MAK: variants seen among roughly 807,000 people sequenced by gnomAD.
The protein encoded by MAK is serine/threonine-protein kinase MAK.
In MAK, 65 loss-of-function variants were observed where a neutral mutation model predicts 82.6. The ratio of observed to expected loss-of-function variants is 0.79; its 90% confidence interval spans 0.64 to 0.97. The LOEUF (loss-of-function observed/expected upper bound fraction) is 0.97. MAK is among the 50% of genes least tolerant of loss of function. The pLI, the probability that MAK is intolerant of heterozygous loss-of-function variation, is 0.00. For missense variants in MAK, 703 were observed against 780.2 expected, an observed-to-expected ratio of 0.90 and a Z score of 1.18; for synonymous variants, 250 against 274.2, an observed-to-expected ratio of 0.91 and a Z score of 0.87.
chr6:10,799,108 C>T (rs1014497621), intron 8 of MAK, among the ~76,000 whole-genome samples: 16 of 151,948 alleles, frequency 1.1e-4, no homozygotes, highest in Admixed American at 4.6e-4. Flanking sequence ...TACAGGTGTG[C>T]GGCACTGCAG....
rs111420579 is a variant in MAK at position 10,813,323 on chromosome 6, A to AT, written c.358+320dup. Among the ~76,000 whole-genome samples the AT allele has an allele frequency of 1.6e-3, 222 of 136,178 alleles. 2 individuals carry two copies. The highest frequency in any genetic ancestry group is 4.6e-3 in the South Asian group (19 of 4,134). 89.3% of individuals were successfully genotyped at this position (136,178 alleles called of 152,430 possible). A position where few individuals can be genotyped will look rare whatever the true frequency, so the allele number is the denominator to read the frequency against. On this transcript the variant is annotated intron_variant, in intron 5 of 14. Transcript: ENST00000354489. ...GCCACCACGCCCAGCTAATTTTTGT[A>AT]TTTTTTTTTAACAGAGACAGGGTTT...
chr6:10,814,867 A>G (rs1042220790), intron 4 of MAK, among the ~76,000 whole-genome samples: 1 of 151,922 alleles, frequency 6.6e-6, no homozygotes, highest in African/African-American at 2.4e-5. Flanking sequence ...GTGAAACCTC[A>G]TCTCTACTAC....
At chr6:10,817,763 A>C in intron 4 of MAK, 87 bp downstream of exon 4, 1 of 1,113,896 alleles carries the variant, frequency 9.0e-7, no homozygotes, top group Non-Finnish European at 1.3e-6. Context: ...GGAGCAATCA[A>C]TCTTTCTCTC....
chr6:10,825,089 T>TAA (rs1466218323), intron 2 of MAK, among the ~76,000 whole-genome samples: 2 of 152,320 alleles, frequency 1.3e-5, no homozygotes, highest in East Asian at 3.9e-4. Flanking sequence ...CACTAGCTGA[T>TAA]AAAAGATGAG....
chr6:10,822,158 A>C (rs928631468), intron 2 of MAK, among the ~76,000 whole-genome samples: 1 of 150,406 alleles, frequency 6.6e-6, no homozygotes, highest in Non-Finnish European at 1.5e-5. Context: ...AAAAAAAAAA[A>C]AAAAAAAAAA....
rs9467665 is a variant in MAK, at chr6:10,830,410, C to T, written c.101+138G>A. 6.7e-3 allele frequency: 4,690 copies of T among 700,876 alleles called. 127 individuals carry two copies. The African/African-American group carries it at 0.07, about 10-fold the overall frequency. The allele number at this position is 700,876 out of a possible 1,614,324, so 43.4% of individuals were successfully genotyped here. On this transcript the variant is annotated intron_variant, in intron 2 of 14. Transcript: ENST00000354489. ...CAAACTCCTAACCTCATGATCCGCC[C>T]GCCTCGGCCTCCCAAAGTGCTGGGA... is the stretch of plus-strand genomic sequence containing the variant.
intron 9 of MAK, among the ~76,000 whole-genome samples, chr6:10,792,924 A>G (rs1581691699): frequency 6.6e-6 from 1 of 152,338 alleles, no homozygotes; most frequent in East Asian, 1.9e-4. Context: ...GGTTACCCTT[A>G]GCTGAGTTTG....
intron 2 of MAK, among the ~76,000 whole-genome samples, chr6:10,829,686 G>A (rs1253628593): frequency 1.3e-5 from 2 of 152,150 alleles, no homozygotes; most frequent in Admixed American, 6.5e-5. Flanking sequence ...ATATTTTTTG[G>A]TTTATCAGTG....
intron 8 of MAK, among the ~76,000 whole-genome samples, chr6:10,797,077 A>G (rs1432074499): frequency 6.6e-6 from 1 of 152,172 alleles, no homozygotes; most frequent in Non-Finnish European, 1.5e-5. Flanking sequence ...TGTATGTAAA[A>G]TTCCGGGTTA....
intron 8 of MAK, among the ~76,000 whole-genome samples, chr6:10,799,470 T>C (rs1775840850): frequency 6.6e-6 from 1 of 152,164 alleles, no homozygotes. Flanking sequence ...TTAGAAAATA[T>C]GGGCCAGGTG....
intron 12 of MAK, 137 bp downstream of exon 12, chr6:10,775,191 G>T: frequency 1.0e-6 from 1 of 968,564 alleles, no homozygotes. Context: ...GCTACCCATA[G>T]GCAGAGTGTA....
rs754068927 is a variant in MAK at position 10,808,851 on chromosome 6, T to C, written c.450A>G (p.Leu150=). 1 of 1,613,970 alleles carries C rather than the reference T, an allele frequency of 6.2e-7. No homozygotes were observed. The highest frequency in any genetic ancestry group is 1.1e-5 in the South Asian group (1 of 91,078). The change falls in exon 6 of 15, where the codon TTA becomes TTG. Residue 150 remains leucine, a synonymous_variant. Coordinates refer to ENST00000354489, the MANE Select transcript of MAK (RefSeq NM_001242957.3). Reference sequence around the variant, plus strand: ...AATCAGTGTATGGTGGCTGTGACCTTAATTCTCTTGCAAGTCCAAAATCAG... The same window carrying C: ...AATCAGTGTATGGTGGCTGTGACCTCAATTCTCTTGCAAGTCCAAAATCAG... ...KIADFGLARE[L]RSQPPYTDYV...
At chr6:10,831,053 T>C (rs1288069695) in intron 1 of MAK, among the ~76,000 whole-genome samples, 176 bp from the exon 2 acceptor site, 1 of 152,234 alleles carries the variant, frequency 6.6e-6, no homozygotes, top group Non-Finnish European at 1.5e-5. Context: ...TCACTGGTAA[T>C]ACTCACTTGG....
At chr6:10,810,520 T>C (rs1776852004) in intron 5 of MAK, among the ~76,000 whole-genome samples, 1 of 152,040 alleles carries the variant, frequency 6.6e-6, no homozygotes, top group African/African-American at 2.4e-5. Context: ...TTTGTATTTT[T>C]AGTAGAAACT....
intron 12 of MAK, 108 bp downstream of exon 12, chr6:10,775,220 T>G: frequency 7.5e-7 from 1 of 1,342,146 alleles, no homozygotes; most frequent in Admixed American, 1.7e-5. Context: ...CCTTTGTGTA[T>G]CTCCCAAGTG....
At chr6:10,813,013 C>A (rs547636612) in intron 5 of MAK, among the ~76,000 whole-genome samples, 15 of 138,326 alleles carry the variant, frequency 1.1e-4, no homozygotes, top group Admixed American at 2.3e-4. Flanking sequence ...GATCCCCCCC[C>A]CCGCCTCGGC....
chr6:10,774,271 A>T (rs1301051527), intron 12 of MAK, among the ~76,000 whole-genome samples: 2 of 152,200 alleles, frequency 1.3e-5, no homozygotes, highest in African/African-American at 4.8e-5. Context: ...ACAATGATTC[A>T]TTGTATATAA....
chr6:10,765,203 G>A (rs149224978), intron 14 of MAK, among the ~76,000 whole-genome samples: 17 of 152,090 alleles, frequency 1.1e-4, no homozygotes, highest in Middle Eastern at 3.4e-3. Flanking sequence ...GATAGGCAAC[G>A]CCAGGTAAGA....
intron 14 of MAK, among the ~76,000 whole-genome samples, chr6:10,765,966 C>A (rs1208910987): frequency 6.6e-6 from 1 of 152,208 alleles, no homozygotes; most frequent in African/African-American, 2.4e-5. Context: ...AAAACTGCTT[C>A]AACATTTCAA....
Sources: allele counts gnomAD v4.1 joint callset (sites outside exome capture counted in the v4.1 genomes callset), GRCh38; gene constraint gnomAD v4.1.1; transcripts MANE v1.5; gene names NCBI Gene and HGNC (gene_info 2026-07-23, HGNC 2026-07-21).